DYNC2I1: variants seen among roughly 807,000 people sequenced by gnomAD.
DYNC2I1 encodes dynein 2 intermediate chain 1.
In DYNC2I1, 89 loss-of-function variants were observed where a neutral mutation model predicts 133.4. The observed-to-expected ratio is 0.67, with a 90% confidence interval of 0.56 to 0.80. DYNC2I1 has a LOEUF of 0.80. Ranked by LOEUF, DYNC2I1 falls within the 30% of genes least tolerant of loss-of-function variation. The probability of loss-of-function intolerance (pLI) is 0.00; values close to 1 mark genes in which losing one functional copy is unlikely to be tolerated. For synonymous variants in DYNC2I1, 504 were observed against 484.3 expected (o/e 1.04, Z -0.54); for missense variants, 1,291 against 1,314.5 (o/e 0.98, Z 0.28).
chr7:158,870,033 G>C, intron 2 of DYNC2I1, 125 bp downstream of exon 2: 1 of 759,312 alleles, frequency 1.3e-6, no homozygotes, highest in Non-Finnish European at 2.2e-6. Context: ...GAAGTACTTT[G>C]AACTCAGAGG....
rs569600721 is a variant in DYNC2I1, at chr7:158,910,793, C to T, written c.1461-757C>T. Among the ~76,000 whole-genome samples, 9 of 143,978 alleles carry T rather than the reference C, an allele frequency of 6.3e-5. No homozygotes were observed. The South Asian group carries it at 2.0e-3, about 33-fold the overall frequency. The allele number at this position is 143,978 out of a possible 152,430, so 94.5% of individuals were successfully genotyped here. A position where few individuals can be genotyped will look rare whatever the true frequency, so the allele number is the denominator to read the frequency against. On this transcript the variant is annotated intron_variant, in intron 11 of 24. Transcript: ENST00000407559. ...CCATTGGCTGTGTCAGGCCTGTGTGCGCAGGGCGATTGGCTGTGTCAGCCT... is the reference window on the plus strand; with the variant it reads ...CCATTGGCTGTGTCAGGCCTGTGTGTGCAGGGCGATTGGCTGTGTCAGCCT...
chr7:158,936,485 C>T (rs554762537), intron 23 of DYNC2I1, among the ~76,000 whole-genome samples: 19 of 152,234 alleles, frequency 1.2e-4, no homozygotes, highest in South Asian at 1.0e-3. Flanking sequence ...CCCCTTAACT[C>T]ATGGTTTGTG....
rs148067181 is a variant in DYNC2I1 at position 158,858,083 on chromosome 7, G to A, written c.15+1333G>A. ...TGGGATTACAGGCGTGAGCCACCGC[G>A]CTAGGCCAACCTTAGATAGTATTTT... On this transcript the variant is annotated intron_variant, in intron 1 of 24. Coordinates refer to ENST00000407559, the MANE Select transcript of DYNC2I1 (RefSeq NM_018051.5). 4.9e-3 allele frequency among the ~76,000 whole-genome samples: 752 copies of A among 152,244 alleles called. 5 individuals carry two copies. The highest frequency in any genetic ancestry group is 0.017 in the African/African-American group (715 of 41,538).
At chr7:158,909,790 G>A (rs1847205197) in intron 11 of DYNC2I1, among the ~76,000 whole-genome samples, 1 of 152,190 alleles carries the variant, frequency 6.6e-6, no homozygotes, top group African/African-American at 2.4e-5. Flanking sequence ...AGATCTGATG[G>A]CCTAGGGCAT....
upstream of DYNC2I1, among the ~76,000 whole-genome samples, chr7:158,851,902 C>A (rs1841067543): frequency 6.6e-6 from 1 of 152,200 alleles, no homozygotes; most frequent in Non-Finnish European, 1.5e-5. Context: ...TTCTGACACA[C>A]AAATACTATT....
At chr7:158,946,903 G>A (rs1379633641), downstream of DYNC2I1, among the ~76,000 whole-genome samples, 1 of 152,208 alleles carries the variant, frequency 6.6e-6, no homozygotes, top group East Asian at 1.9e-4. Context: ...AGACCTGGAA[G>A]GTGTCTGGGA....
intron 17 of DYNC2I1, 132 bp downstream of exon 17, chr7:158,923,865 A>G: frequency 8.7e-7 from 1 of 1,148,574 alleles, no homozygotes. Flanking sequence ...CATGGGCAAA[A>G]GAGGCATTTG....
At chr7:158,913,881 G>T (rs1847741786) in intron 13 of DYNC2I1, among the ~76,000 whole-genome samples, 1 of 152,200 alleles carries the variant, frequency 6.6e-6, no homozygotes, top group South Asian at 2.1e-4. Flanking sequence ...GCTAATTTTT[G>T]TATTTTTTAG....
chr7:158,952,409 G>T (rs1852080693), intron 4 of DYNC2I1, among the ~76,000 whole-genome samples: 1 of 152,168 alleles, frequency 6.6e-6, no homozygotes, highest in Non-Finnish European at 1.5e-5. Context: ...CATGGCTAAG[G>T]GGGTGCAAGA....
At chr7:158,916,942 G>A (rs866506806) in intron 14 of DYNC2I1, among the ~76,000 whole-genome samples, 295 of 71,866 alleles carry the variant, frequency 4.1e-3, no homozygotes, top group South Asian at 8.6e-3. Context: ...ACGTCTACAC[G>A]CTGGTTGACA....
At chr7:158,922,598 G>C in intron 16 of DYNC2I1, 49 bp downstream of exon 16, 1 of 1,572,480 alleles carries the variant, frequency 6.4e-7, no homozygotes, top group African/African-American at 1.3e-5. Context: ...ATGGGCAGTG[G>C]ACAGAGCGTG....
chr7:158,896,285 GTTTTATCA>G (rs1158263677), intron 8 of DYNC2I1, among the ~76,000 whole-genome samples: 2 of 152,072 alleles, frequency 1.3e-5, no homozygotes, highest in African/African-American at 2.4e-5. Context: ...TTTACTAAGA[GTTTTATCA>G]TTAATGGTTG....
downstream of DYNC2I1, among the ~76,000 whole-genome samples, chr7:158,949,420 C>T (rs1419634845): frequency 6.6e-6 from 1 of 152,270 alleles, no homozygotes; most frequent in Non-Finnish European, 1.5e-5. Context: ...TCCCCACTCA[C>T]TCCAGGGAGT....
At chr7:158,933,021 C>T (rs564145725) in intron 21 of DYNC2I1, among the ~76,000 whole-genome samples, 1 of 152,182 alleles carries the variant, frequency 6.6e-6, no homozygotes, top group Admixed American at 6.5e-5. Flanking sequence ...TGCCCAGGAG[C>T]TAGGGGCCTC....
At chr7:158,846,388 AATCTT>A in the DYNC2I1 span, among the ~76,000 whole-genome samples, 1 of 152,210 alleles carries the variant, frequency 6.6e-6, no homozygotes, top group African/African-American at 2.4e-5. Context: ...TATGAAAGAG[AATCTT>A]ATATGGTGAA....
At chr7:158,878,873 G>C (rs1585006535) in intron 4 of DYNC2I1, among the ~76,000 whole-genome samples, 1 of 147,484 alleles carries the variant, frequency 6.8e-6, no homozygotes, top group East Asian at 2.0e-4. Flanking sequence ...GGCCGACTGT[G>C]AGTGCCGGGC....
chr7:158,856,432 T>C (rs947514902), upstream of DYNC2I1: 8 of 354,706 alleles, frequency 2.3e-5, no homozygotes, highest in Non-Finnish European at 4.0e-5. Flanking sequence ...TGCCTGGCGG[T>C]TGCTAGGAGC....
intron 11 of DYNC2I1, among the ~76,000 whole-genome samples, chr7:158,909,330 CAAAAAAAAAAAAA>C (rs66565045): frequency 2.1e-5 from 1 of 46,728 alleles, no homozygotes; most frequent in Non-Finnish European, 4.9e-5. Context: ...GACTCTGTCT[CAAAAAAAAAAAAA>C]AAAAAAAAAA....
At chr7:158,915,627 ACAG>A (rs1848087785) in intron 14 of DYNC2I1, among the ~76,000 whole-genome samples, 14 of 89,992 alleles carry the variant, frequency 1.6e-4, no homozygotes, top group African/African-American at 2.5e-4. Context: ...ACGCTGGTTG[ACAG>A]GATGATTGTG....
Sources: gnomAD v4.1 joint callset for allele counts (sites outside exome capture counted in the v4.1 genomes callset) on GRCh38, gnomAD v4.1.1 for gene constraint, MANE v1.5 for transcripts, NCBI Gene and HGNC (gene_info 2026-07-23, HGNC 2026-07-21) for gene names.